The following TECR variants were observed in gnomAD, a reference collection of about 807,000 sequenced individuals.
The protein encoded by TECR is very-long-chain enoyl-CoA reductase.
TECR carries 19 observed loss-of-function variants against 50.6 expected under a neutral mutation model. The observed-to-expected ratio is 0.38, with a 90% CI of 0.26 to 0.55. TECR has a LOEUF of 0.55. TECR is among the 20% of genes least tolerant of loss of function. TECR has a pLI of 0.79. For missense variants in TECR, 313 were observed against 408.3 expected (o/e 0.77, Z 2.01); for synonymous variants, 168 against 163.5 (o/e 1.03, Z -0.21).
chr19:14,541,418 C>T (rs530338914), intron 1 of TECR, among the ~76,000 whole-genome samples: 13 of 152,354 alleles, frequency 8.5e-5, no homozygotes, highest in East Asian at 1.9e-4. Flanking sequence ...GGGCACTCAC[C>T]GCACAGGTTG....
At chr19:14,529,742 C>T in intron 1 of TECR, 31 bp downstream of exon 1, 6 of 1,613,966 alleles carry the variant, frequency 3.7e-6, no homozygotes, top group Non-Finnish European at 5.1e-6. Context: ...GCCGTGTGGC[C>T]ACTGCTGACC....
intron 1 of TECR, among the ~76,000 whole-genome samples, chr19:14,560,659 C>T (rs769313168): frequency 9.9e-5 from 15 of 152,218 alleles, no homozygotes; most frequent in Non-Finnish European, 2.1e-4. Context: ...GCCACAAGGC[C>T]AGGCAGTGCC....
At chr19:14,561,502 C>T (rs2073901039) in intron 1 of TECR, among the ~76,000 whole-genome samples, 1 of 152,204 alleles carries the variant, frequency 6.6e-6, no homozygotes, top group Middle Eastern at 3.2e-3. Flanking sequence ...GGGCCAGACT[C>T]CTACCTCAGG....
At position 14,545,480 on chromosome 19, in the gene TECR, T is replaced by C. The variant is rs997568423; in HGVS notation, c.15+15769T>C. Reference sequence around the variant, plus strand: ...TATTATGTAATAGGTGCTTTGTTCATGTCCCCTTGAGCACCAGCAAGCCTA... The same window carrying C: ...TATTATGTAATAGGTGCTTTGTTCACGTCCCCTTGAGCACCAGCAAGCCTA... On this transcript the variant is annotated intron_variant, in intron 1 of 12. Transcript: ENST00000215567. Among the ~76,000 whole-genome samples the C allele has an allele frequency of 3.3e-5, 5 of 152,220 alleles. No homozygotes were observed. The South Asian group carries it at 1.0e-3, about 32-fold the overall frequency.
In TECR at chr19:14,557,914, C is replaced by A. The variant is rs535204094; in HGVS notation, c.16-4611C>A. Among the ~76,000 whole-genome samples the A allele has an allele frequency of 8.5e-5, 13 of 152,134 alleles. No homozygotes were observed. In the South Asian group the frequency reaches 1.7e-3, roughly 19 times the overall value. ...GGGACTACAGGCACCCACCACCGCACCCGGCTAATTTTTTGTATTTTTAGT... is the reference window on the plus strand; with the variant it reads ...GGGACTACAGGCACCCACCACCGCAACCGGCTAATTTTTTGTATTTTTAGT... On this transcript the variant is annotated intron_variant, in intron 1 of 12. Coordinates refer to ENST00000215567, the MANE Select transcript of TECR (RefSeq NM_138501.6).
chr19:14,534,692 A>T (rs1165359559), intron 1 of TECR, among the ~76,000 whole-genome samples: 1 of 151,968 alleles, frequency 6.6e-6, no homozygotes, highest in Non-Finnish European at 1.5e-5. Context: ...CTGCCTTGGC[A>T]TCCCAAAGTG....
At chr19:14,543,079 T>TG (rs1237639487) in intron 1 of TECR, among the ~76,000 whole-genome samples, 1 of 44,502 alleles carries the variant, frequency 2.2e-5, no homozygotes, top group Non-Finnish European at 4.2e-5. Flanking sequence ...GGTGCCAAGT[T>TG]GGGGGTGGGG....
Position 14,565,059 on chromosome 19 carries a change from C to G in TECR, c.607-7C>G. The G allele has an allele frequency of 1.2e-6, 2 of 1,613,916 alleles. No individual in the cohort carries two copies. Among genetic ancestry groups the G allele is most frequent in the South Asian group, 1.1e-5 (1 of 91,084 alleles). ...GCGGCCCTAGGCTGATCCTGCTTCT[C>G]TGACAGATCTGCCAGCTCGGCAACT... On this transcript the variant is annotated splice_polypyrimidine_tract_variant and splice_region_variant and intron_variant, in intron 9 of 12. Transcript: ENST00000215567.
intron 1 of TECR, among the ~76,000 whole-genome samples, chr19:14,542,989 C>CTT (rs572624462): frequency 2.7e-4 from 28 of 102,266 alleles, no homozygotes; most frequent in African/African-American, 9.4e-4. Flanking sequence ...CTTCCAAATT[C>CTT]TTTTTTTTTT....
upstream of TECR, chr19:14,529,271 T>C (rs2072516858): frequency 3.0e-6 from 1 of 333,698 alleles, no homozygotes; most frequent in Non-Finnish European, 5.9e-6. Flanking sequence ...GTCACTCAAC[T>C]TCTTACCCCG....
chr19:14,547,354 TA>T (rs2073342330), intron 1 of TECR, among the ~76,000 whole-genome samples: 1 of 101,150 alleles, frequency 9.9e-6, no homozygotes, highest in Non-Finnish European at 2.3e-5. Context: ...TATTTTATTT[TA>T]TTTTATTTTA....
In TECR at chr19:14,563,160, T is replaced by C; in HGVS notation, c.67-46T>C. ...CTTTAGTACCTCCCCATCCTGAGTCTGGGCTCCCCGCAGAGCTGACGTCCC... is the reference window on the plus strand; with the variant it reads ...CTTTAGTACCTCCCCATCCTGAGTCCGGGCTCCCCGCAGAGCTGACGTCCC... On this transcript the variant is annotated intron_variant, in intron 2 of 12. Transcript: ENST00000215567. This position sits in a 1 kb window ranked among gnomAD's most constrained non-coding sequence, Gnocchi z 5.3. 6.2e-7 allele frequency: 1 copy of C among 1,613,610 alleles called. No homozygotes were observed.
Position 14,552,130 on chromosome 19 carries a change from C to T in TECR, c.16-10395C>T, listed in dbSNP as rs796134161. Among the ~76,000 whole-genome samples the T allele has an allele frequency of 8.0e-5, 12 of 150,124 alleles. No individual in the cohort carries two copies. The South Asian group carries it at 2.2e-3, about 27-fold the overall frequency. On this transcript the variant is annotated intron_variant, in intron 1 of 12. Coordinates refer to ENST00000215567, the MANE Select transcript of TECR (RefSeq NM_138501.6). ...CTGAGATTACAGGCATGAGCCACCG[C>T]GCCTGGCCTTTTTCTTTTCTTTCTT...
chr19:14,552,624 T>A (rs968256329), intron 1 of TECR, among the ~76,000 whole-genome samples: 1 of 151,788 alleles, frequency 6.6e-6, no homozygotes, highest in Non-Finnish European at 1.5e-5. Flanking sequence ...AAGCTCCGCC[T>A]CCCGGGTTCA....
chr19:14,550,929 C>T (rs2073477447), intron 1 of TECR, among the ~76,000 whole-genome samples: 1 of 152,020 alleles, frequency 6.6e-6, no homozygotes, highest in Non-Finnish European at 1.5e-5. Flanking sequence ...ACCTTGGCCT[C>T]CCAGAGTACT....
Position 14,529,659 on chromosome 19 carries a change from C to T in TECR, c.-38C>T. ...TGTGCTGTGCCGCGCAGTTAGGCAG[C>T]AGCAGCCGCGGAGCAGTAGCCGCCG... On this transcript the variant is annotated 5_prime_UTR_variant, in exon 1 of 13. Coordinates refer to ENST00000215567, the MANE Select transcript of TECR (RefSeq NM_138501.6). 3.7e-6 allele frequency: 6 copies of T among 1,613,778 alleles called. No homozygotes were observed. The highest frequency in any genetic ancestry group is 2.2e-5 in the South Asian group (2 of 91,086).
intron 1 of TECR, among the ~76,000 whole-genome samples, chr19:14,545,534 C>T (rs529667607): frequency 9.9e-5 from 15 of 152,096 alleles, no homozygotes; most frequent in Non-Finnish European, 2.2e-4. Flanking sequence ...CTCTCTCAGT[C>T]GTGCGCACTG....
intron 1 of TECR, among the ~76,000 whole-genome samples, chr19:14,538,859 G>A (rs1257139110): frequency 6.6e-6 from 1 of 151,686 alleles, no homozygotes; most frequent in African/African-American, 2.4e-5. Context: ...TAATGAAGAA[G>A]GTCCACCAGG....
At chr19:14,534,078 A>G (rs1308671122) in intron 1 of TECR, 1 of 151,744 alleles carries the variant, frequency 6.6e-6, no homozygotes, top group Non-Finnish European at 1.5e-5. Context: ...CTGAATACCC[A>G]GAAGCGAGCC....
Sources: gnomAD v4.1 joint callset for allele counts (sites outside exome capture counted in the v4.1 genomes callset) on GRCh38, gnomAD v4.1.1 for gene constraint, Gnocchi (gnomAD v3.1) non-coding constraint, MANE v1.5 for transcripts, NCBI Gene and HGNC (gene_info 2026-07-23, HGNC 2026-07-21) for gene names.